The following FHIT variants were observed in gnomAD, a reference collection of about 807,000 sequenced individuals.
The protein encoded by FHIT is fragile histidine triad diadenosine triphosphatase.
Under a neutral mutation model 17.9 loss-of-function variants are expected in FHIT, and 19 were observed. That is an observed-to-expected ratio of 1.06 (90% CI 0.74 to 1.56). The LOEUF (loss-of-function observed/expected upper bound fraction) is 1.56, where lower values mean the gene tolerates loss of function less well. Ranked by LOEUF, FHIT falls within the 40% of genes most tolerant of loss-of-function variation. The pLI, the probability that FHIT is intolerant of heterozygous loss-of-function variation, is 0.00. For synonymous variants in FHIT, 81 were observed against 69.7 expected (o/e 1.16, Z -0.81); for missense variants, 248 against 189.2 (o/e 1.31, Z -1.82).
intron 8 of FHIT, among the ~76,000 whole-genome samples, chr3:59,818,360 C>A (rs1700675732): frequency 6.6e-6 from 1 of 152,008 alleles, no homozygotes; most frequent in African/African-American, 2.4e-5. Flanking sequence ...GGTGCCCACT[C>A]CTAAGTGGGG....
At chr3:60,578,886 C>T (rs1553658650) in intron 4 of FHIT, among the ~76,000 whole-genome samples, 1 of 152,110 alleles carries the variant, frequency 6.6e-6, no homozygotes, top group African/African-American at 2.4e-5. Context: ...TCCTAGGAAA[C>T]ATTTTCTAGA....
rs750365257 is a variant in FHIT, at chr3:60,014,142, C to T, written c.114G>A (p.Val38=). ...RKPVVPGHVL[V]CPLRPVERFH... Reference sequence around the variant, plus strand: ...AGCGCTCCACTGGCCGCAGCGGGCACACAAGGACATCTGTAGCAAGGTCTG... The same window carrying T: ...AGCGCTCCACTGGCCGCAGCGGGCATACAAGGACATCTGTAGCAAGGTCTG... Residue 38 remains valine (V), a synonymous_variant, in exon 6 of 10, where the codon GTG becomes GTA. Transcript: ENST00000492590. 4.3e-6 allele frequency: 7 copies of T among 1,613,918 alleles called. No homozygotes were observed. In the East Asian group the frequency reaches 1.6e-4, roughly 36 times the overall value.
chr3:60,213,696 G>A (rs1032118478), intron 5 of FHIT, among the ~76,000 whole-genome samples: 5 of 152,082 alleles, frequency 3.3e-5, no homozygotes, highest in Admixed American at 1.3e-4. Context: ...TTAAACAGAT[G>A]GAAACCAGAA....
intron 3 of FHIT, among the ~76,000 whole-genome samples, chr3:60,930,529 A>G (rs1472398273): frequency 2.6e-5 from 4 of 152,206 alleles, no homozygotes; most frequent in Admixed American, 6.5e-5. Flanking sequence ...GAAAAAACAA[A>G]CAACCCCATC....
At position 61,249,973 on chromosome 3, in the gene FHIT, CACACACACACACACACAA is replaced by C. The variant is rs1175184133; in HGVS notation, c.-213+1310_-213+1327del. ...ACACACACACACACACACACACACA[CACACACACACACACACAA>C]ACCCTAGACTTCTTTCTTTACTAAA... is the stretch of plus-strand genomic sequence containing the variant. On this transcript the variant is annotated intron_variant, in intron 1 of 9. Transcript: ENST00000492590. 2.4e-3 allele frequency among the ~76,000 whole-genome samples: 352 copies of C among 147,244 alleles called. 3 individuals carry two copies. The highest frequency in any genetic ancestry group is 8.8e-3 in the African/African-American group (333 of 37,992).
chr3:60,842,254 T>C (rs1702745342), intron 3 of FHIT, among the ~76,000 whole-genome samples: 1 of 151,764 alleles, frequency 6.6e-6, no homozygotes, highest in Non-Finnish European at 1.5e-5. Flanking sequence ...AACACAAATA[T>C]CTCACCAACA....
intron 4 of FHIT, among the ~76,000 whole-genome samples, chr3:60,575,172 G>A (rs1290459049): frequency 1.3e-5 from 2 of 152,150 alleles, no homozygotes; most frequent in South Asian, 4.1e-4. Flanking sequence ...GAAAAAGAAA[G>A]CGACTGTTGG....
intron 4 of FHIT, among the ~76,000 whole-genome samples, chr3:60,776,886 G>T (rs983487385): frequency 1.3e-5 from 2 of 152,158 alleles, no homozygotes; most frequent in African/African-American, 4.8e-5. Flanking sequence ...AAGAAGTGGT[G>T]GAAGAATTGT....
At chr3:60,427,295 C>T (rs1035591261) in intron 5 of FHIT, among the ~76,000 whole-genome samples, 3 of 152,024 alleles carry the variant, frequency 2.0e-5, no homozygotes, top group African/African-American at 7.3e-5. Flanking sequence ...TGCCCCAGTC[C>T]TACAATCACA....
intron 5 of FHIT, among the ~76,000 whole-genome samples, chr3:60,535,613 A>T (rs927314373): frequency 6.6e-6 from 1 of 152,018 alleles, no homozygotes; most frequent in Non-Finnish European, 1.5e-5. Context: ...AACAGAAGAA[A>T]ATAGTTTTCT....
At chr3:60,654,696 C>CT (rs1297147653) in intron 4 of FHIT, among the ~76,000 whole-genome samples, 2 of 152,102 alleles carry the variant, frequency 1.3e-5, no homozygotes, top group African/African-American at 2.4e-5. Flanking sequence ...GACACAATGT[C>CT]TTTGAGTATC....
At chr3:60,338,431 T>G (rs1309676970) in intron 5 of FHIT, among the ~76,000 whole-genome samples, 1 of 152,192 alleles carries the variant, frequency 6.6e-6, no homozygotes, top group Non-Finnish European at 1.5e-5. Context: ...AGCGGCATGA[T>G]CTCCACCAGG....
intron 4 of FHIT, among the ~76,000 whole-genome samples, chr3:60,650,732 G>A (rs537635132): frequency 4.6e-5 from 7 of 152,266 alleles, no homozygotes; most frequent in African/African-American, 1.2e-4. Context: ...AGAAAACTAC[G>A]CGGGTCATTT....
At chr3:61,124,837 C>G (rs1018757079) in intron 2 of FHIT, among the ~76,000 whole-genome samples, 1 of 152,100 alleles carries the variant, frequency 6.6e-6, no homozygotes, top group African/African-American at 2.4e-5. Context: ...ATTTTTTAAA[C>G]TTTCTCTCCT....
chr3:61,136,286 G>C (rs1204078004), intron 2 of FHIT, among the ~76,000 whole-genome samples: 2 of 136,294 alleles, frequency 1.5e-5, no homozygotes, highest in African/African-American at 5.4e-5. Context: ...AATTAGTTTA[G>C]GCTGTAGAGG....
chr3:60,133,679 C>A lies in FHIT; in HGVS notation c.104-119527G>T, dbSNP rs180707942. 2.4e-3 allele frequency among the ~76,000 whole-genome samples: 370 copies of A among 151,946 alleles called. 2 individuals are homozygous for A. Among genetic ancestry groups the A allele is most frequent in the African/African-American group, 7.9e-3 (326 of 41,468 alleles). The stretch of plus-strand genomic sequence containing the variant: ...CAGCAGCTCTGGCAGCTTAGCACAA[C>A]CCATTCACATACTGGGCAGAGCCCT... On this transcript the variant is annotated intron_variant, in intron 5 of 9. Coordinates refer to ENST00000492590, the MANE Select transcript of FHIT (RefSeq NM_002012.4).
At chr3:60,221,306 C>T (rs1703947906) in intron 5 of FHIT, among the ~76,000 whole-genome samples, 1 of 152,070 alleles carries the variant, frequency 6.6e-6, no homozygotes, top group Non-Finnish European at 1.5e-5. Flanking sequence ...CAGAACAACT[C>T]ATAATAGTAG....
intron 5 of FHIT, among the ~76,000 whole-genome samples, chr3:60,201,888 A>C (rs1559722977): frequency 6.6e-6 from 1 of 152,052 alleles, no homozygotes; most frequent in Non-Finnish European, 1.5e-5. Flanking sequence ...TTCTTGATTG[A>C]ATTTTGTTAC....
intron 5 of FHIT, among the ~76,000 whole-genome samples, chr3:60,313,326 G>T (rs1202519837): frequency 6.6e-6 from 1 of 152,152 alleles, no homozygotes; most frequent in Non-Finnish European, 1.5e-5. Context: ...CTAAAATTAG[G>T]TGCCTTCTCA....
Sources: allele counts gnomAD v4.1 joint callset (sites outside exome capture counted in the v4.1 genomes callset), GRCh38; gene constraint gnomAD v4.1.1; transcripts MANE v1.5; gene names NCBI Gene and HGNC (gene_info 2026-07-23, HGNC 2026-07-21).